The following TRIM49C variants were observed in gnomAD, a reference collection of about 807,000 sequenced individuals.
TRIM49C encodes tripartite motif-containing protein 49C.
Under a neutral mutation model 21.4 loss-of-function variants are expected in TRIM49C, and 6 were observed. That is an observed-to-expected ratio of 0.28 (90% CI 0.15 to 0.55). TRIM49C has a LOEUF of 0.55. Among genes scored for constraint, TRIM49C ranks in the 20% least tolerant of loss-of-function variants. The pLI, the probability that TRIM49C is intolerant of heterozygous loss-of-function variation, is 0.94. For synonymous variants in TRIM49C, 57 were observed against 148.1 expected (o/e 0.38, Z 4.47); for missense variants, 161 against 442.4 (o/e 0.36, Z 5.71).
chr11:90,043,200 G>C, downstream of TRIM49C, among the ~76,000 whole-genome samples: 1 of 146,000 alleles, frequency 6.8e-6, no homozygotes, highest in Non-Finnish European at 1.5e-5. Flanking sequence ...CAAGGAGTGA[G>C]AATGGCTTGT....
chr11:90,070,492 T>C, the TRIM49C span, among the ~76,000 whole-genome samples: 1 of 134,624 alleles, frequency 7.4e-6, no homozygotes, highest in African/African-American at 2.7e-5. Context: ...TTCTCCAGAA[T>C]CTGTAGCATG....
At chr11:90,046,664 CTTT>C (rs1429199453), downstream of TRIM49C, among the ~76,000 whole-genome samples, 4 of 123,324 alleles carry the variant, frequency 3.2e-5, 2 homozygotes. Context: ...CTCTTTTCTT[CTTT>C]ATTAGTCTTG....
the TRIM49C span, chr11:90,052,843 C>G: frequency 6.8e-6 from 1 of 147,132 alleles, no homozygotes; most frequent in Non-Finnish European, 1.5e-5. Context: ...GCCAGAACAG[C>G]CTCTTTAGTA....
the TRIM49C span, among the ~76,000 whole-genome samples, chr11:90,057,016 T>C: frequency 1.4e-5 from 2 of 147,468 alleles, no homozygotes; most frequent in African/African-American, 5.2e-5. Flanking sequence ...ATCCACCAGT[T>C]CATTTTTCTA....
chr11:90,048,380 A>G, the TRIM49C span, among the ~76,000 whole-genome samples: 2 of 122,380 alleles, frequency 1.6e-5, 1 homozygote, highest in Non-Finnish European at 3.3e-5. Flanking sequence ...ACTCGTTTCC[A>G]TACTCCCCAT....
downstream of TRIM49C, among the ~76,000 whole-genome samples, chr11:90,043,827 T>C (rs1359621793): frequency 4.2e-5 from 5 of 119,190 alleles, 2 homozygotes; most frequent in Non-Finnish European, 8.5e-5. Context: ...GTGCACAAAG[T>C]GCAGGTTTGT....
chr11:90,034,626 T>G (rs1950711834), intron 2 of TRIM49C, among the ~76,000 whole-genome samples: 1 of 124,854 alleles, frequency 8.0e-6, no homozygotes, highest in African/African-American at 3.2e-5. Context: ...AATTTTGTTT[T>G]GATTTGGGTC....
chr11:90,043,860 G>A (rs1218576880), downstream of TRIM49C, among the ~76,000 whole-genome samples: 2 of 114,094 alleles, frequency 1.8e-5, 1 homozygote, highest in African/African-American at 7.2e-5. Context: ...CATGTGCCAT[G>A]TTGGTGTGCT....
the TRIM49C span, among the ~76,000 whole-genome samples, chr11:90,049,318 T>C: frequency 1.2e-5 from 1 of 85,610 alleles, no homozygotes. Context: ...TGCAGCGGTT[T>C]CTGCTGCCTT....
In TRIM49C at chr11:90,039,562, G is replaced by T. The variant is rs570201966; in HGVS notation, c.762-303G>T. Among the ~76,000 whole-genome samples, 6 of 131,686 alleles carry T rather than the reference G, an allele frequency of 4.6e-5. 1 individual carries two copies. In the East Asian group the frequency reaches 1.4e-3, roughly 31 times the overall value. 86.4% of individuals were successfully genotyped at this position (131,686 alleles called of 152,430 possible). A position where few individuals can be genotyped will look rare whatever the true frequency, so the allele number is the denominator to read the frequency against. On this transcript the variant is annotated intron_variant, in intron 6 of 7. Transcript: ENST00000448984. Reference sequence around the variant, plus strand: ...TATTTCAGACAAAGATGTCAGGGGAGTCTGCCAAGAAGTGGAACTCAGAAT... The same window carrying T: ...TATTTCAGACAAAGATGTCAGGGGATTCTGCCAAGAAGTGGAACTCAGAAT...
chr11:90,049,155 G>C, the TRIM49C span, among the ~76,000 whole-genome samples: 1 of 123,212 alleles, frequency 8.1e-6, no homozygotes, highest in Non-Finnish European at 1.7e-5. Flanking sequence ...AAGTGGCCGT[G>C]TGAGGTGTCA....
chr11:90,062,828 T>C, the TRIM49C span: 3 of 1,400,770 alleles, frequency 2.1e-6, no homozygotes, highest in Non-Finnish European at 2.8e-6. Context: ...TCTCTGAGAT[T>C]TTTCTGCATG....
chr11:90,035,655 A>C, intron 3 of TRIM49C, 33 bp downstream of exon 3: 3 of 1,381,306 alleles, frequency 2.2e-6, no homozygotes, highest in Non-Finnish European at 1.9e-6. Context: ...GATTTCTGTA[A>C]AGGAAGCATA....
chr11:90,064,180 C>T, the TRIM49C span, among the ~76,000 whole-genome samples: 1 of 145,354 alleles, frequency 6.9e-6, no homozygotes. Context: ...AAATTATCAA[C>T]CATTAAATTT....
the TRIM49C span, chr11:90,053,595 G>C: frequency 1.3e-5 from 2 of 155,132 alleles, no homozygotes; most frequent in Non-Finnish European, 2.9e-5. Context: ...TGCGAGTGTC[G>C]GGCAGACTGG....
the TRIM49C span, among the ~76,000 whole-genome samples, chr11:90,055,979 G>A: frequency 2.0e-5 from 2 of 98,848 alleles, no homozygotes; most frequent in Non-Finnish European, 3.9e-5. Context: ...TTTTTTTTGA[G>A]ACGGAGTCCC....
the TRIM49C span, chr11:90,071,706 G>A: frequency 4.1e-5 from 52 of 1,267,052 alleles, 6 homozygotes; most frequent in Non-Finnish European, 4.9e-5. Flanking sequence ...GAGTGAGTCC[G>A]TGCTGCTGCA....
At chr11:90,056,161 C>A in the TRIM49C span, among the ~76,000 whole-genome samples, 7 of 135,550 alleles carry the variant, frequency 5.2e-5, no homozygotes, top group Admixed American at 8.2e-5. Context: ...GGGGTTTCAC[C>A]GTGTTAGCCA....
chr11:90,039,890 C>G lies in TRIM49C; in HGVS notation c.787C>G (p.Pro263Ala). 14 of 1,183,906 alleles carry G rather than the reference C, an allele frequency of 1.2e-5. No homozygotes were observed. In the South Asian group the frequency reaches 2.0e-4, roughly 17 times the overall value. The allele number at this position is 1,183,906 out of a possible 1,614,324, so 73.3% of individuals were successfully genotyped here. A position where few individuals can be genotyped will look rare whatever the true frequency, so the allele number is the denominator to read the frequency against. The change falls in exon 7 of 8, where the codon CCC becomes GCC. Residue 263 changes from proline to alanine, a missense_variant. By Grantham distance (27) the Pro-to-Ala change is conservative. Coordinates refer to ENST00000448984, the MANE Select transcript of TRIM49C (RefSeq NM_001195234.1). Reference protein sequence around the residue: ...HRSESVLLHMPQPLNPELSAG... With the variant: ...HRSESVLLHMAQPLNPELSAG... ...GAGTGAGTCCGTGCTGCTGCACATG[C>G]CCCAGCCTCTGAATCCAGAGCTCAG...
Sources: allele counts gnomAD v4.1 joint callset (sites outside exome capture counted in the v4.1 genomes callset), GRCh38; gene constraint gnomAD v4.1.1; transcripts MANE v1.5; gene names NCBI Gene and HGNC (gene_info 2026-07-23, HGNC 2026-07-21).